The following SCHIP1 variants were observed in gnomAD, a reference collection of about 807,000 sequenced individuals.
SCHIP1 encodes schwannomin-interacting protein 1.
A neutral mutation model predicts 29.7 loss-of-function variants in SCHIP1; 8 were observed. That is an observed-to-expected ratio of 0.27 (90% confidence interval 0.16 to 0.49). The LOEUF (loss-of-function observed/expected upper bound fraction) is 0.49. SCHIP1 is among the 20% of genes least tolerant of loss of function. The pLI is 0.99. For missense variants in SCHIP1, 193 were observed against 294.6 expected, an observed-to-expected ratio of 0.66 and a Z score of 2.52; for synonymous variants, 76 against 94.9, an observed-to-expected ratio of 0.80 and a Z score of 1.16.
chr3:159,764,520 C>T, the SCHIP1 span: 1 of 1,586,490 alleles, frequency 6.3e-7, no homozygotes, highest in Non-Finnish European at 8.6e-7. This position sits in a 1 kb window ranked among gnomAD's most constrained non-coding sequence, Gnocchi z 6.1. Flanking sequence ...GTTCACAGTC[C>T]AACTCCACCA....
the SCHIP1 span, among the ~76,000 whole-genome samples, chr3:159,415,861 T>C: frequency 2.0e-5 from 3 of 152,172 alleles, no homozygotes; most frequent in South Asian, 6.2e-4. Flanking sequence ...TATTACTAAT[T>C]TAAGGTAACA....
At chr3:159,438,895 G>A in the SCHIP1 span, among the ~76,000 whole-genome samples, 1 of 152,142 alleles carries the variant, frequency 6.6e-6, no homozygotes, top group African/African-American at 2.4e-5. Flanking sequence ...TATCACTGAT[G>A]GGCATTTATG....
chr3:159,883,222 T>G (rs2109402878), intron 2 of SCHIP1, among the ~76,000 whole-genome samples: 1 of 152,252 alleles, frequency 6.6e-6, no homozygotes, highest in East Asian at 1.9e-4. Context: ...TACCTTGAAA[T>G]TATATCTCTA....
the SCHIP1 span, among the ~76,000 whole-genome samples, chr3:159,325,155 C>T: frequency 9.2e-5 from 14 of 152,018 alleles, no homozygotes; most frequent in African/African-American, 3.1e-4. Context: ...AGAAATGAGA[C>T]CTTATCCGAG....
At chr3:159,345,546 GTCTCTCTTTC>G in the SCHIP1 span, among the ~76,000 whole-genome samples, 8 of 132,856 alleles carry the variant, frequency 6.0e-5, no homozygotes, top group South Asian at 7.4e-4. Context: ...TTACAGCAGT[GTCTCTCTTTC>G]TCTCTCTCTC....
Position 159,848,704 on chromosome 3 carries a change from G to T in SCHIP1, c.30+8490G>T, listed in dbSNP as rs573489621. Among the ~76,000 whole-genome samples, 3 of 152,072 alleles carry T rather than the reference G, an allele frequency of 2.0e-5. No homozygotes were observed. The East Asian group carries it at 5.8e-4, about 29-fold the overall frequency. On this transcript the variant is annotated intron_variant, in intron 1 of 6. Coordinates refer to ENST00000445224, the Ensembl canonical transcript of SCHIP1. ...ATGCAATTTCTGATTCAGTGGTTCT[G>T]GAGTGGGACTGGAGGGCTTACATTT...
chr3:159,719,208 C>A, the SCHIP1 span, among the ~76,000 whole-genome samples: 1 of 152,178 alleles, frequency 6.6e-6, no homozygotes, highest in Admixed American at 6.5e-5. Flanking sequence ...CGATCCCTTC[C>A]TTATACCTCA....
At chr3:159,890,146 C>G (rs893509139) in intron 5 of SCHIP1, among the ~76,000 whole-genome samples, 4 of 151,292 alleles carry the variant, frequency 2.6e-5, no homozygotes, top group Admixed American at 2.6e-4. Flanking sequence ...TTTAGAGATA[C>G]CTACTGAAGC....
chr3:159,363,870 T>G, the SCHIP1 span, among the ~76,000 whole-genome samples: 1 of 152,216 alleles, frequency 6.6e-6, no homozygotes, highest in African/African-American at 2.4e-5. Flanking sequence ...ATTTTTACCT[T>G]GTACCTGGGG....
At chr3:159,879,606 G>A (rs539407917) in intron 2 of SCHIP1, among the ~76,000 whole-genome samples, 1 of 152,296 alleles carries the variant, frequency 6.6e-6, no homozygotes, top group Non-Finnish European at 1.5e-5. Flanking sequence ...AGAGATGGCT[G>A]TTTTATTCCT....
the SCHIP1 span, among the ~76,000 whole-genome samples, chr3:159,373,694 A>AAT: frequency 6.6e-6 from 1 of 152,128 alleles, no homozygotes; most frequent in Admixed American, 6.6e-5. Context: ...TTCACTTAGC[A>AAT]GAATGTTCTC....
chr3:159,644,417 A>G, the SCHIP1 span, among the ~76,000 whole-genome samples: 10 of 152,112 alleles, frequency 6.6e-5, no homozygotes, highest in Non-Finnish European at 1.3e-4. Context: ...GAATTTCTAC[A>G]AAAAGTGATT....
At chr3:159,677,525 C>T in the SCHIP1 span, among the ~76,000 whole-genome samples, 1 of 152,158 alleles carries the variant, frequency 6.6e-6, no homozygotes, top group African/African-American at 2.4e-5. Flanking sequence ...TAAATTTAAA[C>T]CTAATCTTCC....
the SCHIP1 span, among the ~76,000 whole-genome samples, chr3:159,637,462 C>T: frequency 6.7e-6 from 1 of 150,098 alleles, no homozygotes; most frequent in Admixed American, 6.7e-5. Context: ...ATAGGAGTAA[C>T]CAAGAGAAAG....
At chr3:159,865,058 G>T (rs1245624910) in intron 1 of SCHIP1, among the ~76,000 whole-genome samples, 2 of 152,088 alleles carry the variant, frequency 1.3e-5, no homozygotes, top group African/African-American at 4.8e-5. Flanking sequence ...TTGTCATTGT[G>T]ACACAGTGAT....
chr3:159,889,797 A>G (rs1434664565), intron 5 of SCHIP1, among the ~76,000 whole-genome samples: 1 of 152,210 alleles, frequency 6.6e-6, no homozygotes, highest in Non-Finnish European at 1.5e-5. Flanking sequence ...AGTTATGTGA[A>G]TTTAAAAAAG....
chr3:159,781,525 A>T, the SCHIP1 span, among the ~76,000 whole-genome samples: 7 of 152,364 alleles, frequency 4.6e-5, no homozygotes, highest in East Asian at 1.3e-3. Flanking sequence ...AGCAAAGCAT[A>T]GCACACAAAA....
chr3:159,368,537 C>T, the SCHIP1 span, among the ~76,000 whole-genome samples: 1 of 152,078 alleles, frequency 6.6e-6, no homozygotes, highest in East Asian at 1.9e-4. Context: ...TCGGTTATGA[C>T]CACAGAATTA....
chr3:159,492,721 C>T, the SCHIP1 span, among the ~76,000 whole-genome samples: 1 of 152,062 alleles, frequency 6.6e-6, no homozygotes, highest in African/African-American at 2.4e-5. Context: ...GCAAGGCAGG[C>T]CAACATTAAA....
Sources: gnomAD v4.1 joint callset for allele counts (sites outside exome capture counted in the v4.1 genomes callset) on GRCh38, gnomAD v4.1.1 for gene constraint, Gnocchi (gnomAD v3.1) non-coding constraint, MANE v1.5 for transcripts, NCBI Gene and HGNC (gene_info 2026-07-23, HGNC 2026-07-21) for gene names.